The following GPHN variants were observed in gnomAD, a reference collection of about 807,000 sequenced individuals.
The protein encoded by GPHN is gephyrin.
Under a neutral mutation model 95.5 loss-of-function variants are expected in GPHN, and 17 were observed. That is an observed-to-expected ratio of 0.18 (90% CI 0.12 to 0.27). The LOEUF (loss-of-function observed/expected upper bound fraction) is 0.27, where lower values mean the gene tolerates loss of function less well. Ranked by LOEUF, GPHN falls within the 10% of genes least tolerant of loss-of-function variation. The pLI is 1.00. For synonymous variants in GPHN, 320 were observed against 322.5 expected, an observed-to-expected ratio of 0.99 and a Z score of 0.08; for missense variants, 660 against 978.1, an observed-to-expected ratio of 0.67 and a Z score of 4.34.
chr14:67,020,120 T>C (rs2073530258), intron 9 of GPHN, among the ~76,000 whole-genome samples: 1 of 152,200 alleles, frequency 6.6e-6, no homozygotes, highest in African/African-American at 2.4e-5. Flanking sequence ...TGTCTTGAGA[T>C]ATTGGGCCAT....
intron 2 of GPHN, among the ~76,000 whole-genome samples, chr14:66,772,055 C>T (rs1230203593): frequency 3.3e-5 from 5 of 150,720 alleles, no homozygotes; most frequent in African/African-American, 9.8e-5. Flanking sequence ...CTATTGTAAA[C>T]GTTATCTTTT....
chr14:67,567,618 G>A, the GPHN span, among the ~76,000 whole-genome samples: 2 of 151,930 alleles, frequency 1.3e-5, no homozygotes, highest in South Asian at 2.1e-4. Flanking sequence ...GTCTCCTGCC[G>A]CCCCTCCAGT....
intron 2 of GPHN, among the ~76,000 whole-genome samples, chr14:66,708,955 T>C (rs1430090077): frequency 6.6e-6 from 1 of 152,130 alleles, no homozygotes; most frequent in East Asian, 1.9e-4. Context: ...TAGTCTATTA[T>C]ACATAAGTAT....
intron 10 of GPHN, among the ~76,000 whole-genome samples, chr14:67,054,731 G>T (rs1383843765): frequency 6.6e-6 from 1 of 152,090 alleles, no homozygotes; most frequent in African/African-American, 2.4e-5. Flanking sequence ...CAAAATAGAT[G>T]GTAGTAGTAC....
At position 66,656,564 on chromosome 14, in the gene GPHN, G is replaced by A. The variant is rs907878003; in HGVS notation, c.65-24543G>A. On this transcript the variant is annotated intron_variant, in intron 1 of 22. Transcript: ENST00000478722. ...GGTTTATGGCAATCCTGCATCAAGC[G>A]AGTCTGTCAGTGCCATTTTTTCAAC... 7.2e-5 allele frequency among the ~76,000 whole-genome samples: 11 copies of A among 152,062 alleles called. No individual in the cohort carries two copies. In the East Asian group the frequency reaches 1.2e-3, roughly 16 times the overall value.
chr14:67,328,144 G>A, the GPHN span, among the ~76,000 whole-genome samples: 1 of 152,170 alleles, frequency 6.6e-6, no homozygotes, highest in African/African-American at 2.4e-5. Flanking sequence ...TCCAGCACCT[G>A]TTGTTTCCGA....
intron 6 of GPHN, among the ~76,000 whole-genome samples, chr14:66,921,301 A>G (rs2066203104): frequency 6.6e-6 from 1 of 152,148 alleles, no homozygotes; most frequent in South Asian, 2.1e-4. Flanking sequence ...TGCAGGAGTA[A>G]GGTGGTATTG....
At chr14:67,716,227 T>C in the GPHN span, among the ~76,000 whole-genome samples, 1 of 150,122 alleles carries the variant, frequency 6.7e-6, no homozygotes, top group Non-Finnish European at 1.5e-5. Flanking sequence ...AAAAAAGAAA[T>C]TGCCTAACTA....
the GPHN span, chr14:67,691,326 G>C: frequency 8.2e-6 from 7 of 858,880 alleles, no homozygotes; most frequent in East Asian, 4.9e-5. Flanking sequence ...CTCAGGCTTT[G>C]AAAATGAGGA....
chr14:66,745,008 A>G (rs2058083128), intron 2 of GPHN, among the ~76,000 whole-genome samples: 1 of 152,142 alleles, frequency 6.6e-6, no homozygotes. Context: ...TTAGAAGGCC[A>G]TTTAAGACAA....
chr14:67,113,059 C>A lies in GPHN; in HGVS notation c.1514C>A (p.Ala505Asp). ...ATTAAAAGAGGGGAATGTGTTTTGGCCAAAGGAACCCACATGGGCCCCTCA... is the reference window on the plus strand; with the variant it reads ...ATTAAAAGAGGGGAATGTGTTTTGGACAAAGGAACCCACATGGGCCCCTCA... ...HDIKRGECVLAKGTHMGPSEI... is the reference protein window; with the variant it reads ...HDIKRGECVLDKGTHMGPSEI... Residue 505 changes from alanine (A) to aspartate (D), a missense_variant, in exon 16 of 23, where the codon GCC becomes GAC. Coordinates refer to ENST00000478722, the MANE Select transcript of GPHN (RefSeq NM_020806.5). The A allele has an allele frequency of 6.2e-7, 1 of 1,613,710 alleles. No homozygotes were observed. Among genetic ancestry groups the A allele is most frequent in the Non-Finnish European group, 8.5e-7 (1 of 1,179,706 alleles).
the GPHN span, among the ~76,000 whole-genome samples, chr14:67,635,724 G>A: frequency 6.6e-6 from 1 of 152,106 alleles, no homozygotes; most frequent in Admixed American, 6.6e-5. Flanking sequence ...GTGGTGGCAG[G>A]CACCTGTAAT....
intron 5 of GPHN, among the ~76,000 whole-genome samples, chr14:66,899,157 T>C (rs527602326): frequency 1.3e-5 from 2 of 151,328 alleles, no homozygotes; most frequent in South Asian, 4.2e-4. Flanking sequence ...TTGTTTGTTG[T>C]TTGTTTTGTT....
chr14:67,657,515 G>A, the GPHN span, among the ~76,000 whole-genome samples: 1 of 152,082 alleles, frequency 6.6e-6, no homozygotes, highest in Non-Finnish European at 1.5e-5. Flanking sequence ...GAAAAAAGTA[G>A]CCTTGTCAGG....
chr14:66,742,913 C>T (rs749628649), intron 2 of GPHN, among the ~76,000 whole-genome samples: 10 of 152,268 alleles, frequency 6.6e-5, no homozygotes, highest in African/African-American at 1.2e-4. Context: ...AGGCGCACAC[C>T]GCCATGCTTG....
the GPHN span, chr14:67,562,849 G>A: frequency 6.2e-7 from 1 of 1,613,586 alleles, no homozygotes; most frequent in Non-Finnish European, 8.5e-7. Context: ...AAGTGGAGCT[G>A]GGTAACAAGC....
chr14:66,564,532 T>G (rs969021800), intron 1 of GPHN, among the ~76,000 whole-genome samples: 8 of 152,192 alleles, frequency 5.3e-5, no homozygotes, highest in African/African-American at 1.9e-4. Context: ...GAGACTTTCC[T>G]AAATCCTAAA....
At chr14:67,576,281 A>C in the GPHN span, 1 of 648,494 alleles carries the variant, frequency 1.5e-6, no homozygotes, top group Non-Finnish European at 2.7e-6. The surrounding 1 kb of genome is among the most constrained non-coding windows in gnomAD (Gnocchi z 4.0). Flanking sequence ...ACTCATGCCA[A>C]CCAAACTAGC....
chr14:66,962,221 G>A (rs1273802512), intron 8 of GPHN, among the ~76,000 whole-genome samples: 1 of 150,520 alleles, frequency 6.6e-6, no homozygotes, highest in Non-Finnish European at 1.5e-5. Context: ...TCTAGTATCT[G>A]TGTTGACATA....
Sources: gnomAD v4.1 joint callset for allele counts (sites outside exome capture counted in the v4.1 genomes callset) on GRCh38, gnomAD v4.1.1 for gene constraint, Gnocchi (gnomAD v3.1) non-coding constraint, MANE v1.5 for transcripts, NCBI Gene and HGNC (gene_info 2026-07-23, HGNC 2026-07-21) for gene names.